Variants in FBLN2 observed in about 807,000 individuals in gnomAD.
FBLN2 encodes the protein fibulin 2, also known as fibulin-2.
FBLN2 carries 81 observed loss-of-function variants against 123.7 expected under a neutral mutation model. The observed-to-expected ratio is 0.65, with a 90% CI of 0.55 to 0.79. FBLN2 has a LOEUF of 0.79. Ranked by LOEUF, FBLN2 falls within the 30% of genes least tolerant of loss-of-function variation. The probability of loss-of-function intolerance (pLI) is 0.00; values close to 1 mark genes in which losing one functional copy is unlikely to be tolerated. For missense variants in FBLN2, 1,603 were observed against 1,681.3 expected (o/e 0.95, Z 0.81); for synonymous variants, 699 against 701.4 (o/e 1.00, Z 0.05).
chr3:13,578,676 C>T (rs1335535892), intron 2 of FBLN2, among the ~76,000 whole-genome samples: 1 of 151,986 alleles, frequency 6.6e-6, no homozygotes, highest in Non-Finnish European at 1.5e-5. Context: ...ATTATATGGA[C>T]ACATGTTTTC....
chr3:13,599,904 T>G, intron 2 of FBLN2, among the ~76,000 whole-genome samples: 1 of 147,104 alleles, frequency 6.8e-6, no homozygotes, highest in African/African-American at 2.5e-5. Context: ...AAGAGGAAGG[T>G]GGCATTGGAA....
chr3:13,630,383 C>T (rs1035766596), intron 14 of FBLN2, among the ~76,000 whole-genome samples: 1 of 152,354 alleles, frequency 6.6e-6, no homozygotes, highest in Middle Eastern at 3.4e-3. Context: ...CACCAGGCTG[C>T]TCAGTGAGGG....
intron 16 of FBLN2, among the ~76,000 whole-genome samples, chr3:13,634,316 G>A (rs1055383869): frequency 1.1e-4 from 16 of 152,252 alleles, no homozygotes; most frequent in Admixed American, 5.2e-4. Flanking sequence ...GTTAGCCTGC[G>A]CTCTCCAGGG....
chr3:13,618,512 C>T (rs1705714496), intron 6 of FBLN2, among the ~76,000 whole-genome samples: 1 of 152,226 alleles, frequency 6.6e-6, no homozygotes, highest in Non-Finnish European at 1.5e-5. Flanking sequence ...GCACCTTGTC[C>T]CATATTCGAG....
Position 13,571,294 on chromosome 3 carries a change from T to A in FBLN2, c.939T>A (p.Ala313=). The change falls in exon 2 of 18, where the codon GCT becomes GCA. Residue 313 remains alanine, a synonymous_variant. Coordinates refer to ENST00000404922, the MANE Select transcript of FBLN2 (RefSeq NM_001004019.2). ...ATGGGCTGCCCACTACAGCCCCAGC[T>A]GGACCCAGTCTTCCTATCCAGGAGG... ...GLDGLPTTAP[A]GPSLPIQEER... is the part of the protein sequence containing the mutation. 6.3e-7 allele frequency: 1 copy of A among 1,582,118 alleles called. No individual in the cohort carries two copies. The highest frequency in any genetic ancestry group is 8.6e-7 in the Non-Finnish European group (1 of 1,164,786).
At chr3:13,596,996 A>T (rs1042657399) in intron 2 of FBLN2, among the ~76,000 whole-genome samples, 2 of 152,098 alleles carry the variant, frequency 1.3e-5, no homozygotes, top group Non-Finnish European at 2.9e-5. Flanking sequence ...CGGTGGCACG[A>T]TCATAGCTCA....
intron 1 of FBLN2, among the ~76,000 whole-genome samples, chr3:13,561,106 A>G (rs1240859290): frequency 6.6e-6 from 1 of 152,176 alleles, no homozygotes; most frequent in Non-Finnish European, 1.5e-5. Flanking sequence ...CTTACTGGCC[A>G]CTAGACTTTG....
rs765807670 is a variant in FBLN2 at position 13,571,532 on chromosome 3, C to T, written c.1177C>T (p.Leu393=). 34 of 1,613,604 alleles carry T rather than the reference C, an allele frequency of 2.1e-5. No individual in the cohort carries two copies. The highest frequency in any genetic ancestry group is 2.7e-5 in the African/African-American group (2 of 74,948). The part of the protein sequence containing the change: ...PSPHNILSTS[L]PDAAWIPPTR... ...CCCCCACAACATCCTGTCCACATCACTGCCTGATGCAGCCTGGATCCCACC... is the reference window on the plus strand; with the variant it reads ...CCCCCACAACATCCTGTCCACATCATTGCCTGATGCAGCCTGGATCCCACC... Residue 393 remains leucine, a synonymous_variant, in exon 2 of 18, where the codon CTG becomes TTG. Transcript: ENST00000404922.
Position 13,628,921 on chromosome 3 carries a change from G to C in FBLN2, c.2586G>C (p.Thr862=). The part of the protein sequence containing the change: ...EGNCVDINEC[T]SLSEPCRPGF... ...CCTCTGCAGACATCAACGAGTGCAC[G>C]TCACTGTCCGAGCCATGTCGGCCAG... is the stretch of plus-strand genomic sequence containing the variant. Residue 862 remains threonine, a synonymous_variant, in exon 12 of 18, where the codon ACG becomes ACC. Coordinates refer to ENST00000404922, the MANE Select transcript of FBLN2 (RefSeq NM_001004019.2). 1.2e-6 allele frequency: 2 copies of C among 1,613,024 alleles called. No individual in the cohort carries two copies. The highest frequency in any genetic ancestry group is 1.7e-6 in the Non-Finnish European group (2 of 1,179,604).
chr3:13,551,396 C>T (rs774263061), intron 1 of FBLN2, among the ~76,000 whole-genome samples: 3 of 152,170 alleles, frequency 2.0e-5, no homozygotes, highest in East Asian at 1.9e-4. Flanking sequence ...GAGCATTCTC[C>T]GAGGCAGGCT....
Position 13,618,194 on chromosome 3 carries a change from C to T in FBLN2, c.1848C>T (p.Cys616=). The T allele has an allele frequency of 1.2e-6, 2 of 1,613,874 alleles. No homozygotes were observed. The highest frequency in any genetic ancestry group is 1.1e-5 in the South Asian group (1 of 91,086). Reference sequence around the variant, plus strand: ...GCCTTCTCCTCCCGGGAGAGCTGTGCCAGCACCTTTGCATCAATACTGTGG... The same window carrying T: ...GCCTTCTCCTCCCGGGAGAGCTGTGTCAGCACCTTTGCATCAATACTGTGG... ...DECLLLPGEL[C]QHLCINTVGS... is the part of the protein sequence containing the mutation. Residue 616 remains cysteine (C), a synonymous_variant, in exon 6 of 18, where the codon TGC becomes TGT. Coordinates refer to ENST00000404922, the MANE Select transcript of FBLN2 (RefSeq NM_001004019.2).
chr3:13,628,724 G>C (rs775963196), intron 11 of FBLN2, among the ~76,000 whole-genome samples, 181 bp from the exon 12 acceptor site: 20 of 152,128 alleles, frequency 1.3e-4, no homozygotes, highest in Non-Finnish European at 2.9e-4. Flanking sequence ...CAGGTGCTTG[G>C]GTTCTGGGAG....
intron 7 of FBLN2, 147 bp from the exon 8 acceptor site, chr3:13,619,583 T>G: frequency 1.5e-6 from 1 of 653,000 alleles, no homozygotes; most frequent in East Asian, 3.0e-5. Flanking sequence ...GGACCAGGAG[T>G]GGCGTTCCTT....
rs1706108342 is a variant in FBLN2, at chr3:13,627,975, C to CG, written c.2569+11dup. The CG allele has an allele frequency of 6.2e-7, 1 of 1,611,804 alleles. No homozygotes were observed. The highest frequency in any genetic ancestry group is 1.1e-5 in the South Asian group (1 of 90,890). On this transcript the variant is annotated splice_region_variant and intron_variant, in intron 11 of 17. Transcript: ENST00000404922. ...TCCTGAAGGCAACTGTGTGGGTGAG[C>CG]GGGGGCTGCAGGGCTGGGGATCATC...
intron 16 of FBLN2, 43 bp from the exon 17 acceptor site, chr3:13,636,402 C>T (rs1706470394): frequency 1.9e-6 from 3 of 1,606,234 alleles, no homozygotes; most frequent in Non-Finnish European, 2.6e-6. Context: ...AGGCTGGGTC[C>T]CCCAGCTGTG....
At chr3:13,605,979 G>GTGGCTCCA (rs1235728897) in intron 2 of FBLN2, among the ~76,000 whole-genome samples, 6 of 152,142 alleles carry the variant, frequency 3.9e-5, no homozygotes, top group Admixed American at 6.5e-5. Flanking sequence ...CTGGAGTGCA[G>GTGGCTCCA]TGGCTCCATC....
rs531613687 is a variant in FBLN2 at position 13,637,176 on chromosome 3, C to A, written c.3339-386C>A. Among the ~76,000 whole-genome samples the A allele has an allele frequency of 3.3e-5, 5 of 151,538 alleles. No homozygotes were observed. In the South Asian group the frequency reaches 1.0e-3, roughly 31 times the overall value. ...ACACGGCCCGGCACTTGGGAGGGAC[C>A]CTGGGAGGGACACTGGGTGCACTGG... On this transcript the variant is annotated intron_variant, in intron 17 of 17. Coordinates refer to ENST00000404922, the MANE Select transcript of FBLN2 (RefSeq NM_001004019.2).
chr3:13,616,347 C>T (rs1338522340), intron 5 of FBLN2, among the ~76,000 whole-genome samples: 1 of 152,160 alleles, frequency 6.6e-6, no homozygotes, highest in Non-Finnish European at 1.5e-5. Context: ...CAGGCACGAT[C>T]CTGGCCAGAG....
At chr3:13,636,410 G>A in intron 16 of FBLN2, 35 bp from the exon 17 acceptor site, 1 of 1,609,720 alleles carries the variant, frequency 6.2e-7, no homozygotes, top group Non-Finnish European at 8.5e-7. Flanking sequence ...TCCCCCAGCT[G>A]TGGGGACCCT....
Sources: allele counts gnomAD v4.1 joint callset (sites outside exome capture counted in the v4.1 genomes callset), GRCh38; gene constraint gnomAD v4.1.1; transcripts MANE v1.5; gene names NCBI Gene and HGNC (gene_info 2026-07-23, HGNC 2026-07-21).